Variants in TBC1D22A observed in about 807,000 individuals in gnomAD.
TBC1D22A encodes the protein TBC1 domain family member 22A.
In TBC1D22A, 38 loss-of-function variants were observed where a neutral mutation model predicts 60.2. That is an observed-to-expected ratio of 0.63 (90% CI 0.49 to 0.83). The LOEUF is 0.83. Ranked by LOEUF, TBC1D22A falls within the 40% of genes least tolerant of loss-of-function variation. The pLI is 0.00. For missense variants in TBC1D22A, 628 were observed against 701.0 expected, an observed-to-expected ratio of 0.90 and a Z score of 1.18; for synonymous variants, 302 against 281.7, an observed-to-expected ratio of 1.07 and a Z score of -0.72.
In TBC1D22A at chr22:47,029,840, G is replaced by C. The variant is rs147852380; in HGVS notation, c.1202-7231G>C. On this transcript the variant is annotated intron_variant, in intron 10 of 12. Transcript: ENST00000337137. ...CCTTGGTGAGCGGCCACAGTGCTCT[G>C]TCTTGAGCTGTCAGCCCCAGACTGC... is the stretch of plus-strand genomic sequence containing the variant. Among the ~76,000 whole-genome samples the C allele has an allele frequency of 4.2e-4, 64 of 152,366 alleles. No individual in the cohort carries two copies. The East Asian group carries it at 0.011, about 27-fold the overall frequency.
chr22:46,966,502 G>T (rs187867858), intron 8 of TBC1D22A, among the ~76,000 whole-genome samples: 2 of 152,268 alleles, frequency 1.3e-5, no homozygotes, highest in Non-Finnish European at 2.9e-5. Flanking sequence ...GTTAATAGAA[G>T]AAATCACTGT....
intron 7 of TBC1D22A, among the ~76,000 whole-genome samples, chr22:46,908,163 T>C (rs933597463): frequency 1.3e-5 from 2 of 152,214 alleles, no homozygotes; most frequent in Admixed American, 1.3e-4. Context: ...ATGGGGGTGT[T>C]AGCAGGAAGA....
At chr22:46,817,928 T>C (rs928613327) in intron 4 of TBC1D22A, among the ~76,000 whole-genome samples, 4 of 152,246 alleles carry the variant, frequency 2.6e-5, no homozygotes, top group Non-Finnish European at 4.4e-5. Flanking sequence ...TGTTGTTTCC[T>C]GACTTTTTAA....
chr22:47,011,082 C>T (rs969133238), intron 10 of TBC1D22A, among the ~76,000 whole-genome samples: 13 of 152,170 alleles, frequency 8.5e-5, no homozygotes, highest in African/African-American at 1.2e-4. Flanking sequence ...GCCCCATCCC[C>T]GTACTCAGAG....
chr22:47,017,322 C>T (rs779881105), intron 10 of TBC1D22A, among the ~76,000 whole-genome samples: 6 of 152,154 alleles, frequency 3.9e-5, no homozygotes, highest in Non-Finnish European at 7.3e-5. Context: ...GACAGGAGGG[C>T]CACACATGAC....
At chr22:47,124,600 C>T (rs1035847999) in intron 12 of TBC1D22A, among the ~76,000 whole-genome samples, 1 of 152,218 alleles carries the variant, frequency 6.6e-6, no homozygotes, top group East Asian at 1.9e-4. Flanking sequence ...GGCAAATCAG[C>T]TGGGCACGGG....
At chr22:46,953,867 C>T (rs139482506) in intron 8 of TBC1D22A, among the ~76,000 whole-genome samples, 177 of 152,338 alleles carry the variant, frequency 1.2e-3, no homozygotes, top group Admixed American at 2.6e-3. Context: ...ATTCTCCCAA[C>T]ACCCTTAAGA....
At chr22:46,781,165 G>A (rs1001163714) in intron 1 of TBC1D22A, among the ~76,000 whole-genome samples, 3 of 149,550 alleles carry the variant, frequency 2.0e-5, no homozygotes, top group Non-Finnish European at 4.4e-5. Flanking sequence ...TTTAGACAGG[G>A]TGTCATTCTG....
At chr22:46,964,944 G>T (rs1702261258) in intron 8 of TBC1D22A, among the ~76,000 whole-genome samples, 1 of 152,232 alleles carries the variant, frequency 6.6e-6, no homozygotes, top group South Asian at 2.1e-4. Flanking sequence ...TGCTCTGAGC[G>T]GTGGGGTTCC....
intron 11 of TBC1D22A, among the ~76,000 whole-genome samples, chr22:47,055,809 C>G (rs1478409873): frequency 1.3e-5 from 2 of 151,760 alleles, no homozygotes; most frequent in African/African-American, 4.8e-5. Context: ...AGATGTGATC[C>G]CTGCCTACAT....
chr22:46,957,880 A>G (rs1016801119), intron 8 of TBC1D22A, among the ~76,000 whole-genome samples: 6 of 152,308 alleles, frequency 3.9e-5, no homozygotes, highest in Non-Finnish European at 7.4e-5. Context: ...GTTTCTAACA[A>G]TAGTGGACAG....
At chr22:46,957,942 G>A (rs2073293788) in intron 8 of TBC1D22A, among the ~76,000 whole-genome samples, 1 of 152,110 alleles carries the variant, frequency 6.6e-6, no homozygotes, top group South Asian at 2.1e-4. Flanking sequence ...TCAGAGGCAG[G>A]AGGCATAGGA....
At chr22:47,003,957 G>T (rs367557386) in intron 10 of TBC1D22A, among the ~76,000 whole-genome samples, 1 of 74,684 alleles carries the variant, frequency 1.3e-5, no homozygotes, top group Non-Finnish European at 2.5e-5. Context: ...CCCTACGCAC[G>T]CATGCCTGTA....
At chr22:47,071,264 A>G (rs1603232896) in intron 11 of TBC1D22A, among the ~76,000 whole-genome samples, 1 of 152,242 alleles carries the variant, frequency 6.6e-6, no homozygotes, top group Non-Finnish European at 1.5e-5. Flanking sequence ...TAAGCCTCCC[A>G]GGAGCTTGCA....
chr22:47,015,672 A>T (rs2061887365), intron 10 of TBC1D22A, among the ~76,000 whole-genome samples: 1 of 152,200 alleles, frequency 6.6e-6, no homozygotes. Context: ...AGCAGCCAGG[A>T]AGCCAGGGCC....
At chr22:46,806,518 T>A (rs2085147390) in intron 4 of TBC1D22A, among the ~76,000 whole-genome samples, 1 of 149,798 alleles carries the variant, frequency 6.7e-6, no homozygotes, top group Non-Finnish European at 1.5e-5. Context: ...TAAAAATTTT[T>A]AAATTTAAAT....
intron 4 of TBC1D22A, among the ~76,000 whole-genome samples, chr22:46,865,220 G>A (rs998971977): frequency 2.6e-5 from 4 of 152,054 alleles, no homozygotes; most frequent in Admixed American, 6.6e-5. Context: ...ACCACCCCCC[G>A]CTGCATCTCC....
At chr22:46,794,514 T>C (rs1444129829) in intron 3 of TBC1D22A, among the ~76,000 whole-genome samples, 2 of 152,196 alleles carry the variant, frequency 1.3e-5, no homozygotes, top group Non-Finnish European at 2.9e-5. Flanking sequence ...AAAAGCTGCA[T>C]GGTTGTGCGA....
intron 10 of TBC1D22A, among the ~76,000 whole-genome samples, chr22:47,036,801 G>C (rs571617245): frequency 1.3e-5 from 2 of 152,330 alleles, no homozygotes; most frequent in South Asian, 2.1e-4. Context: ...CCATCTTCCT[G>C]GGTGTTAGGG....
Sources: gnomAD v4.1 joint callset for allele counts (sites outside exome capture counted in the v4.1 genomes callset) on GRCh38, gnomAD v4.1.1 for gene constraint, MANE v1.5 for transcripts, NCBI Gene and HGNC (gene_info 2026-07-23, HGNC 2026-07-21) for gene names.